SCNN1B: variants seen among roughly 807,000 people sequenced by gnomAD.
SCNN1B encodes sodium channel epithelial 1 subunit beta.
In SCNN1B, 46 loss-of-function variants were observed where a neutral mutation model predicts 65.3. That is an observed-to-expected ratio of 0.70 (90% CI 0.56 to 0.90). The LOEUF (loss-of-function observed/expected upper bound fraction) is 0.90. Among genes scored for constraint, SCNN1B ranks in the 40% least tolerant of loss-of-function variants. The pLI, the probability that SCNN1B is intolerant of heterozygous loss-of-function variation, is 0.00. For missense variants in SCNN1B, 751 were observed against 830.5 expected (o/e 0.90, Z 1.18); for synonymous variants, 349 against 330.6 (o/e 1.06, Z -0.60).
chr16:23,330,807 C>T (rs552323163), intron 1 of SCNN1B, among the ~76,000 whole-genome samples: 2 of 152,226 alleles, frequency 1.3e-5, no homozygotes, highest in South Asian at 2.1e-4. Context: ...TGGCCTCAAG[C>T]GATCCTCCTG....
chr16:23,322,455 A>T (rs1384788614), intron 1 of SCNN1B, among the ~76,000 whole-genome samples: 1 of 150,134 alleles, frequency 6.7e-6, no homozygotes, highest in East Asian at 1.9e-4. Flanking sequence ...GCACACCACC[A>T]TGCTTGGCTA....
chr16:23,380,308 G>C lies in SCNN1B; in HGVS notation c.1543-113G>C. On this transcript the variant is annotated intron_variant, in intron 12 of 12. Transcript: ENST00000343070. The surrounding 1 kb of genome is among the most constrained non-coding windows in gnomAD (Gnocchi z 5.4). ...GTCCCAAGTTATTCCCCTGGGCCAA[G>C]ATGGTCACCCCCTCCCGTTCCCACC... 6.4e-7 allele frequency: 1 copy of C among 1,558,726 alleles called. No individual in the cohort carries two copies. Among genetic ancestry groups the C allele is most frequent in the Non-Finnish European group, 8.8e-7 (1 of 1,132,370 alleles).
chr16:23,347,068 G>A (rs1962205515), intron 1 of SCNN1B, among the ~76,000 whole-genome samples: 1 of 152,140 alleles, frequency 6.6e-6, no homozygotes, highest in Admixed American at 6.6e-5. Context: ...CTGCACTCCA[G>A]CCTGGGTGAT....
At chr16:23,320,187 T>G (rs1268661482) in intron 1 of SCNN1B, among the ~76,000 whole-genome samples, 1 of 152,180 alleles carries the variant, frequency 6.6e-6, no homozygotes, top group East Asian at 1.9e-4. Flanking sequence ...GATGCCCTAC[T>G]TGGAAGAGTA....
intron 1 of SCNN1B, among the ~76,000 whole-genome samples, chr16:23,306,590 G>A (rs566036016): frequency 9.8e-5 from 15 of 152,288 alleles, no homozygotes; most frequent in African/African-American, 3.6e-4. Context: ...CAAGTAAGAC[G>A]CTGCAATACC....
chr16:23,343,965 A>G (rs1427776281), intron 1 of SCNN1B, among the ~76,000 whole-genome samples: 1 of 152,256 alleles, frequency 6.6e-6, no homozygotes, highest in African/African-American at 2.4e-5. Flanking sequence ...AGTTGTTTGC[A>G]GCACTTACTG....
rs941118645 is a variant in SCNN1B, at chr16:23,348,253, G to A, written c.-8-339G>A. Reference sequence around the variant, plus strand: ...ACCACATTTTATGCACAGAGAACCTGAGTTGAGAGTTTAAGTCACTTGTTC... The same window carrying A: ...ACCACATTTTATGCACAGAGAACCTAAGTTGAGAGTTTAAGTCACTTGTTC... On this transcript the variant is annotated intron_variant, in intron 1 of 12. Coordinates refer to ENST00000343070, the MANE Select transcript of SCNN1B (RefSeq NM_000336.3). This position sits in a 1 kb window ranked among gnomAD's most constrained non-coding sequence, Gnocchi z 4.5. Among the ~76,000 whole-genome samples the A allele has an allele frequency of 6.6e-6, 1 of 152,162 alleles. No individual in the cohort carries two copies. The highest frequency in any genetic ancestry group is 2.4e-5 in the African/African-American group (1 of 41,434).
chr16:23,344,787 A>C (rs1962149811), intron 1 of SCNN1B, among the ~76,000 whole-genome samples: 1 of 152,160 alleles, frequency 6.6e-6, no homozygotes, highest in Non-Finnish European at 1.5e-5. Context: ...TGATCCCAGG[A>C]GTTCGAGACA....
intron 7 of SCNN1B, among the ~76,000 whole-genome samples, chr16:23,375,103 A>G (rs1962866066): frequency 2.0e-5 from 3 of 152,112 alleles, no homozygotes; most frequent in South Asian, 4.1e-4. Flanking sequence ...AAAGCCCAGT[A>G]TGTTGGGGCC....
At chr16:23,306,057 A>G (rs1409779262) in intron 1 of SCNN1B, among the ~76,000 whole-genome samples, 2 of 152,162 alleles carry the variant, frequency 1.3e-5, no homozygotes, top group Non-Finnish European at 2.9e-5. Flanking sequence ...AGCCTGGCCA[A>G]CGGGGTGAAG....
chr16:23,284,685 C>T (rs1390216804), intron 2 of SCNN1B, among the ~76,000 whole-genome samples: 2 of 152,128 alleles, frequency 1.3e-5, no homozygotes, highest in Admixed American at 6.6e-5. Flanking sequence ...TGGAGTGAAC[C>T]AGTTCTAGGG....
At chr16:23,377,549 C>T (rs1962927289) in intron 10 of SCNN1B, among the ~76,000 whole-genome samples, 163 bp downstream of exon 10, 1 of 99,224 alleles carries the variant, frequency 1.0e-5, no homozygotes, top group African/African-American at 3.8e-5. Flanking sequence ...CTGCTTTATT[C>T]CTTCCTTCCT....
intron 6 of SCNN1B, 110 bp from the exon 7 acceptor site, chr16:23,371,666 A>G: frequency 9.5e-7 from 1 of 1,056,024 alleles, no homozygotes; most frequent in Non-Finnish European, 1.5e-6. Flanking sequence ...CCCCCCTGGC[A>G]CCTGCAGGGG....
At chr16:23,306,058 C>A (rs574896256) in intron 1 of SCNN1B, among the ~76,000 whole-genome samples, 2 of 152,174 alleles carry the variant, frequency 1.3e-5, no homozygotes, top group East Asian at 1.9e-4. Context: ...GCCTGGCCAA[C>A]GGGGTGAAGC....
chr16:23,300,496 G>T (rs553176564), upstream of SCNN1B, among the ~76,000 whole-genome samples: 1 of 151,502 alleles, frequency 6.6e-6, no homozygotes, highest in East Asian at 1.9e-4. Context: ...AAAGAGATTT[G>T]CAAAAATGCT....
chr16:23,337,268 G>A (rs188656892), intron 1 of SCNN1B, among the ~76,000 whole-genome samples: 176 of 152,068 alleles, frequency 1.2e-3, no homozygotes, highest in African/African-American at 4.1e-3. Flanking sequence ...TACCTGGGCT[G>A]GTTTCAAACT....
chr16:23,360,229 CAAAT>C (rs1223529199), intron 4 of SCNN1B, among the ~76,000 whole-genome samples: 4 of 115,968 alleles, frequency 3.4e-5, no homozygotes, highest in Admixed American at 8.0e-5. Flanking sequence ...AATAAATAAA[CAAAT>C]AAATAAATAA....
At chr16:23,341,755 G>A (rs1419778453) in intron 1 of SCNN1B, among the ~76,000 whole-genome samples, 2 of 152,108 alleles carry the variant, frequency 1.3e-5, no homozygotes, top group African/African-American at 4.8e-5. Flanking sequence ...TCAGGAAAAC[G>A]CAAATTGAAA....
rs1319956827 is a variant in SCNN1B at position 23,348,727 on chromosome 16, G to C, written c.128G>C (p.Cys43Ser). ...TNTHGPKRII[C>S]EGPKKKAMWF... ...ACCCACGGCCCCAAGCGCATCATCT[G>C]TGAGGGGCCCAAGAAGAAAGCCATG... is the stretch of plus-strand genomic sequence containing the variant. The change falls in exon 2 of 13, where the codon TGT becomes TCT. Residue 43 changes from cysteine to serine, a missense_variant. Cys to Ser is a moderately radical substitution (Grantham distance 112). Transcript: ENST00000343070. This position sits in a 1 kb window ranked among gnomAD's most constrained non-coding sequence, Gnocchi z 4.5. 1.9e-6 allele frequency: 3 copies of C among 1,614,200 alleles called. No individual in the cohort carries two copies. Among genetic ancestry groups the C allele is most frequent in the Non-Finnish European group, 8.5e-7 (1 of 1,180,036 alleles).
Sources: gnomAD v4.1 joint callset for allele counts (sites outside exome capture counted in the v4.1 genomes callset) on GRCh38, gnomAD v4.1.1 for gene constraint, Gnocchi (gnomAD v3.1) non-coding constraint, MANE v1.5 for transcripts, NCBI Gene and HGNC (gene_info 2026-07-23, HGNC 2026-07-21) for gene names.